Variants in DCT observed in about 807,000 individuals in gnomAD.
The protein encoded by DCT is L-dopachrome tautomerase.
DCT carries 47 observed loss-of-function variants against 53.0 expected under a neutral mutation model. That is an observed-to-expected ratio of 0.89 (90% CI 0.70 to 1.13). The LOEUF is 1.13. DCT is among the 50% of genes most tolerant of loss of function. DCT has a pLI of 0.00. For synonymous variants in DCT, 244 were observed against 237.0 expected, an observed-to-expected ratio of 1.03 and a Z score of -0.27; for missense variants, 669 against 637.4, an observed-to-expected ratio of 1.05 and a Z score of -0.53.
intron 6 of DCT, among the ~76,000 whole-genome samples, chr13:94,455,247 T>C (rs1359372073): frequency 3.3e-5 from 5 of 151,992 alleles, no homozygotes; most frequent in Non-Finnish European, 7.4e-5. Flanking sequence ...CTGAGCATGG[T>C]GGTATGTGGC....
At chr13:94,482,427 T>G (rs181769748), upstream of DCT, among the ~76,000 whole-genome samples, 1 of 152,336 alleles carries the variant, frequency 6.6e-6, no homozygotes, top group Non-Finnish European at 1.5e-5. Flanking sequence ...CTCAGAGCCC[T>G]CAGCTTCTCA....
the DCT span, among the ~76,000 whole-genome samples, chr13:94,521,486 G>A: frequency 6.6e-6 from 1 of 152,150 alleles, no homozygotes; most frequent in Non-Finnish European, 1.5e-5. Context: ...GCCTACCAAT[G>A]GGGTGAACCC....
At chr13:94,526,510 C>G in the DCT span, among the ~76,000 whole-genome samples, 1 of 152,090 alleles carries the variant, frequency 6.6e-6, no homozygotes, top group South Asian at 2.1e-4. Flanking sequence ...GTGGCATGCA[C>G]TTGTAGCTAC....
the DCT span, among the ~76,000 whole-genome samples, chr13:94,505,428 T>C: frequency 1.3e-5 from 2 of 152,186 alleles, no homozygotes; most frequent in Non-Finnish European, 2.9e-5. Flanking sequence ...TCCTCTAACA[T>C]CAGTCATTAT....
chr13:94,541,760 G>A, the DCT span, among the ~76,000 whole-genome samples: 2 of 152,174 alleles, frequency 1.3e-5, no homozygotes, highest in African/African-American at 4.8e-5. Flanking sequence ...ATTACACTTT[G>A]TATGCTTGTA....
the DCT span, among the ~76,000 whole-genome samples, chr13:94,531,867 G>C: frequency 2.6e-5 from 4 of 152,042 alleles, no homozygotes; most frequent in Admixed American, 2.6e-4. Flanking sequence ...TACAGAATGG[G>C]AGAAAATCTT....
chr13:94,443,337 C>T (rs1051743839), intron 7 of DCT, 99 bp downstream of exon 7: 18 of 955,672 alleles, frequency 1.9e-5, no homozygotes, highest in East Asian at 2.5e-5. Context: ...CTGAAAGCTT[C>T]GGCTAAAGGT....
intron 6 of DCT, chr13:94,452,782 C>A: frequency 2.0e-6 from 1 of 507,760 alleles, no homozygotes; most frequent in South Asian, 3.4e-5. Flanking sequence ...TAAGAATGCC[C>A]TTCAGAACTG....
At chr13:94,499,233 A>T in the DCT span, among the ~76,000 whole-genome samples, 14 of 152,016 alleles carry the variant, frequency 9.2e-5, no homozygotes, top group African/African-American at 3.4e-4. Flanking sequence ...GAAGGAAGAA[A>T]CTCCAGACAC....
chr13:94,484,242 G>A (rs541835707), upstream of DCT, among the ~76,000 whole-genome samples: 4 of 152,202 alleles, frequency 2.6e-5, no homozygotes, highest in South Asian at 2.1e-4. Flanking sequence ...CCTTACTCAC[G>A]TCTGCTCCCA....
chr13:94,468,677 C>G, intron 2 of DCT, 69 bp downstream of exon 2: 1 of 1,355,616 alleles, frequency 7.4e-7, no homozygotes, highest in East Asian at 2.3e-5. Flanking sequence ...GAAATTACTT[C>G]CCACTGCCAT....
At chr13:94,514,846 T>C in the DCT span, among the ~76,000 whole-genome samples, 1 of 152,212 alleles carries the variant, frequency 6.6e-6, no homozygotes, top group Non-Finnish European at 1.5e-5. Flanking sequence ...TTACAAAGAC[T>C]ACTCTGATGA....
At chr13:94,463,904 G>A (rs1437729634) in intron 4 of DCT, among the ~76,000 whole-genome samples, 1 of 152,206 alleles carries the variant, frequency 6.6e-6, no homozygotes, top group African/African-American at 2.4e-5. Context: ...GATGTCCGGT[G>A]AAGTAAGAGT....
At chr13:94,457,673 G>C (rs949945860) in intron 6 of DCT, among the ~76,000 whole-genome samples, 14 of 152,164 alleles carry the variant, frequency 9.2e-5, no homozygotes, top group African/African-American at 2.9e-4. Context: ...AATAAAAAAG[G>C]AGAAGAGGTG....
At chr13:94,533,813 GTC>G in the DCT span, among the ~76,000 whole-genome samples, 1 of 152,004 alleles carries the variant, frequency 6.6e-6, no homozygotes, top group African/African-American at 2.4e-5. Context: ...TCGAGCAAAT[GTC>G]TCTTACCAAC....
intron 6 of DCT, among the ~76,000 whole-genome samples, chr13:94,457,522 C>G (rs142137428): frequency 5.6e-4 from 85 of 152,258 alleles, no homozygotes; most frequent in African/African-American, 2.0e-3. Flanking sequence ...AATCTGTGGT[C>G]TTTCATTATG....
chr13:94,518,283 A>G, the DCT span, among the ~76,000 whole-genome samples: 66 of 152,246 alleles, frequency 4.3e-4, no homozygotes, highest in African/African-American at 1.6e-3. Context: ...CCCAAAATTG[A>G]TATCTGGGAA....
rs574534854 is a variant in DCT, at chr13:94,467,574, T to C, written c.596-916A>G. On this transcript the variant is annotated intron_variant, in intron 2 of 7. Transcript: ENST00000377028. ...ATAGCCAAAAGAGCCTCCTTATCTA[T>C]CGATAAAGACAGACAGATGCTTACC... 2.0e-5 allele frequency: 3 copies of C among 152,218 alleles called. No individual in the cohort carries two copies. The East Asian group carries it at 5.8e-4, about 29-fold the overall frequency. 9.4% of individuals were successfully genotyped at this position (152,218 alleles called of 1,614,324 possible).
intron 6 of DCT, among the ~76,000 whole-genome samples, chr13:94,448,771 G>T (rs1479954542): frequency 6.6e-6 from 1 of 152,014 alleles, no homozygotes; most frequent in East Asian, 1.9e-4. Flanking sequence ...GGGTGTGGTG[G>T]CGTGCACCTG....
Sources: gnomAD v4.1 joint callset for allele counts (sites outside exome capture counted in the v4.1 genomes callset) on GRCh38, gnomAD v4.1.1 for gene constraint, MANE v1.5 for transcripts, NCBI Gene and HGNC (gene_info 2026-07-23, HGNC 2026-07-21) for gene names.